Variants in VTA1 observed in about 807,000 individuals in gnomAD.
The protein encoded by VTA1 is vacuolar protein sorting-associated protein VTA1 homolog.
In VTA1, 24 loss-of-function variants were observed where a neutral mutation model predicts 36.9. The ratio of observed to expected loss-of-function variants is 0.65; its 90% CI spans 0.47 to 0.91. The LOEUF (loss-of-function observed/expected upper bound fraction) is 0.91. Among genes scored for constraint, VTA1 ranks in the 40% least tolerant of loss-of-function variants. The pLI is 0.00. For missense variants in VTA1, 393 were observed against 377.2 expected, an observed-to-expected ratio of 1.04 and a Z score of -0.35; for synonymous variants, 142 against 130.2, an observed-to-expected ratio of 1.09 and a Z score of -0.62.
At chr6:142,152,443 T>G (rs956996755) in intron 1 of VTA1, among the ~76,000 whole-genome samples, 4 of 152,068 alleles carry the variant, frequency 2.6e-5, no homozygotes, top group African/African-American at 7.2e-5. Flanking sequence ...TGGGAAAAAC[T>G]GGGATTTGGG....
chr6:142,151,319 C>T (rs538716641), intron 1 of VTA1, among the ~76,000 whole-genome samples: 5 of 152,070 alleles, frequency 3.3e-5, no homozygotes, highest in East Asian at 1.9e-4. Context: ...ATGTTAAAAC[C>T]GGTCCTGTGT....
chr6:142,192,751 G>T (rs374935314), intron 5 of VTA1, among the ~76,000 whole-genome samples: 2 of 151,476 alleles, frequency 1.3e-5, no homozygotes, highest in Non-Finnish European at 2.9e-5. Context: ...ATACAACCTG[G>T]TGTCATAATC....
At chr6:142,194,063 C>T (rs912833045) in intron 5 of VTA1, among the ~76,000 whole-genome samples, 1 of 151,942 alleles carries the variant, frequency 6.6e-6, no homozygotes. Flanking sequence ...TCTAAAGGTC[C>T]AGTGATATGG....
At chr6:142,206,655 A>G (rs1280554590) in intron 7 of VTA1, among the ~76,000 whole-genome samples, 1 of 152,212 alleles carries the variant, frequency 6.6e-6, no homozygotes, top group Non-Finnish European at 1.5e-5. Context: ...CTGAAGGAGA[A>G]GAACAAAGTT....
intron 7 of VTA1, among the ~76,000 whole-genome samples, chr6:142,215,163 G>T (rs1775982881): frequency 6.6e-6 from 1 of 152,132 alleles, no homozygotes; most frequent in South Asian, 2.1e-4. Flanking sequence ...CATTGGCCAG[G>T]CGCGGTGGCA....
intron 5 of VTA1, among the ~76,000 whole-genome samples, chr6:142,198,039 G>A (rs925846125): frequency 1.3e-5 from 2 of 151,100 alleles, no homozygotes; most frequent in African/African-American, 4.9e-5. Flanking sequence ...AGAGCTTGCC[G>A]TGAGCTGAGA....
rs1345889005 is a variant in VTA1, at chr6:142,198,572, A to T, written c.654A>T (p.Ala218=). 6.2e-7 allele frequency: 1 copy of T among 1,613,668 alleles called. No individual in the cohort carries two copies. Among genetic ancestry groups the T allele is most frequent in the African/African-American group, 1.3e-5 (1 of 74,924 alleles). ...CTGGAATACAGATTCCTCCGGGTGC[A>T]CACGCTCCAGCTAATACACCAGCAG... ...NYTGIQIPPG[A]HAPANTPAEV... Residue 218 remains alanine, a synonymous_variant, in exon 6 of 8, where the codon GCA becomes GCT. Transcript: ENST00000367630.
At chr6:142,190,045 C>CTG (rs1775424678) in intron 5 of VTA1, among the ~76,000 whole-genome samples, 1 of 152,142 alleles carries the variant, frequency 6.6e-6, no homozygotes, top group Admixed American at 6.5e-5. Context: ...GCGTGAGCCA[C>CTG]CGTACCTGGC....
intron 7 of VTA1, among the ~76,000 whole-genome samples, chr6:142,215,475 T>C (rs576425290): frequency 2.7e-4 from 41 of 152,178 alleles, no homozygotes; most frequent in African/African-American, 9.4e-4. Context: ...TTAAGTGATA[T>C]AATATCTGAA....
chr6:142,171,080 A>G (rs1035142212), intron 4 of VTA1, among the ~76,000 whole-genome samples: 7 of 151,998 alleles, frequency 4.6e-5, no homozygotes, highest in African/African-American at 1.7e-4. Context: ...TAATTTGTTG[A>G]ACATACTTGA....
chr6:142,183,763 G>C (rs1179089623), intron 4 of VTA1, among the ~76,000 whole-genome samples: 2 of 152,074 alleles, frequency 1.3e-5, no homozygotes, highest in Admixed American at 1.3e-4. Context: ...TGAATTAGTG[G>C]AATTACAACT....
At chr6:142,197,599 T>A (rs1419738917) in intron 5 of VTA1, among the ~76,000 whole-genome samples, 1 of 152,230 alleles carries the variant, frequency 6.6e-6, no homozygotes, top group Admixed American at 6.5e-5. Flanking sequence ...ATTTCATTCC[T>A]CTGTTTTTAT....
At chr6:142,217,807 A>G (rs1163400474) in intron 7 of VTA1, among the ~76,000 whole-genome samples, 4 of 151,986 alleles carry the variant, frequency 2.6e-5, no homozygotes, top group African/African-American at 7.2e-5. Flanking sequence ...TTAGAAATAT[A>G]TATTCAAGGA....
chr6:142,206,505 A>G (rs1325913965), intron 7 of VTA1, among the ~76,000 whole-genome samples: 1 of 152,214 alleles, frequency 6.6e-6, no homozygotes, highest in Non-Finnish European at 1.5e-5. Context: ...TGTATTCTCA[A>G]GATGTTAGTT....
intron 7 of VTA1, among the ~76,000 whole-genome samples, chr6:142,206,539 A>G (rs901553268): frequency 6.6e-6 from 1 of 152,178 alleles, no homozygotes; most frequent in African/African-American, 2.4e-5. Flanking sequence ...TCTATAGATT[A>G]TGGACAGTTC....
At chr6:142,170,892 C>T (rs559876137) in intron 4 of VTA1, among the ~76,000 whole-genome samples, 23 of 152,308 alleles carry the variant, frequency 1.5e-4, no homozygotes, top group African/African-American at 5.5e-4. Context: ...TCCCAAAGTG[C>T]TGGAATTACA....
intron 4 of VTA1, among the ~76,000 whole-genome samples, chr6:142,181,455 T>TATA (rs1775236929): frequency 1.4e-5 from 2 of 143,652 alleles, no homozygotes; most frequent in African/African-American, 5.1e-5. Flanking sequence ...TTTTTATATT[T>TATA]TATATATATA....
chr6:142,190,172 G>C lies in VTA1; in HGVS notation c.520+638G>C, dbSNP rs146048098. ...TATCATTTTTTGTAAATCTATTTGA[G>C]TTATGTAGGTTATTTGCGGAGTTAG... On this transcript the variant is annotated intron_variant, in intron 5 of 7. Transcript: ENST00000367630. Among the ~76,000 whole-genome samples the C allele has an allele frequency of 3.4e-3, 525 of 152,230 alleles. 1 individual carries two copies. Among genetic ancestry groups the C allele is most frequent in the African/African-American group, 0.012 (495 of 41,532 alleles).
At chr6:142,192,064 A>G (rs1487841842) in intron 5 of VTA1, among the ~76,000 whole-genome samples, 1 of 152,094 alleles carries the variant, frequency 6.6e-6, no homozygotes, top group Non-Finnish European at 1.5e-5. Flanking sequence ...AATACTATGT[A>G]TTAAGTTCTA....
Sources: gnomAD v4.1 joint callset for allele counts (sites outside exome capture counted in the v4.1 genomes callset) on GRCh38, gnomAD v4.1.1 for gene constraint, MANE v1.5 for transcripts, NCBI Gene and HGNC (gene_info 2026-07-23, HGNC 2026-07-21) for gene names.